PCDHGA2: variants seen among roughly 807,000 people sequenced by gnomAD.
The protein encoded by PCDHGA2 is protocadherin gamma-A2.
Under a neutral mutation model 59.2 loss-of-function variants are expected in PCDHGA2, and 40 were observed. That is an observed-to-expected ratio of 0.68 (90% confidence interval 0.52 to 0.88). The LOEUF (loss-of-function observed/expected upper bound fraction) is 0.88, where lower values mean the gene tolerates loss of function less well. PCDHGA2 is among the 40% of genes least tolerant of loss of function. The pLI is 0.00. For synonymous variants in PCDHGA2, 560 were observed against 526.0 expected (o/e 1.06, Z -0.89); for missense variants, 1,226 against 1,204.0 (o/e 1.02, Z -0.27).
At chr5:141,362,228 T>C in intron 1 of PCDHGA2, 2 of 1,614,028 alleles carry the variant, frequency 1.2e-6, no homozygotes, top group African/African-American at 1.3e-5. Context: ...GCCTTGGCCT[T>C]GATCTCAGTG....
intron 1 of PCDHGA2, among the ~76,000 whole-genome samples, chr5:141,347,717 G>A (rs1001713280): frequency 6.6e-6 from 1 of 151,584 alleles, no homozygotes; most frequent in Non-Finnish European, 1.5e-5. Flanking sequence ...AACCCAGGAG[G>A]CAGAAGTTGC....
rs1200487646 is a variant in PCDHGA2, at chr5:141,410,571, C to T, written c.2424+69176C>T. 3 of 1,612,028 alleles carry T rather than the reference C, an allele frequency of 1.9e-6. No homozygotes were observed. The highest frequency in any genetic ancestry group is 2.5e-6 in the Non-Finnish European group (3 of 1,179,884). On this transcript the variant is annotated intron_variant, in intron 1 of 3. Coordinates refer to ENST00000394576, the MANE Select transcript of PCDHGA2 (RefSeq NM_018915.4). The stretch of plus-strand genomic sequence containing the variant: ...AGTGTTTCTCCTGGAGCCTTAATTC[C>T]ACCTCATGGTGGGGAGGATTTGACT...
In PCDHGA2 at chr5:141,455,253, C is replaced by A. The variant is rs187877877; in HGVS notation, c.2425-39554C>A. 2.8e-3 allele frequency among the ~76,000 whole-genome samples: 433 copies of A among 151,986 alleles called. 1 individual carries two copies. Among genetic ancestry groups the A allele is most frequent in the Admixed American group, 0.021 (319 of 15,266 alleles). ...AAAATGTTAAAGGTCATAGTACAAT[C>A]GCATTTCTTCCCATTGATTATTAAC... is the stretch of plus-strand genomic sequence containing the variant. On this transcript the variant is annotated intron_variant, in intron 1 of 3. Coordinates refer to ENST00000394576, the MANE Select transcript of PCDHGA2 (RefSeq NM_018915.4).
At chr5:141,443,383 G>A (rs1302172660) in intron 1 of PCDHGA2, among the ~76,000 whole-genome samples, 1 of 152,130 alleles carries the variant, frequency 6.6e-6, no homozygotes, top group Non-Finnish European at 1.5e-5. Flanking sequence ...TACTTGGGAG[G>A]CTGAGGTGTG....
At chr5:141,430,781 C>G in intron 1 of PCDHGA2, 8 of 1,510,922 alleles carry the variant, frequency 5.3e-6, no homozygotes, top group Non-Finnish European at 7.1e-6. Context: ...GCGACTGCAC[C>G]GGGACTACAA....
intron 1 of PCDHGA2, chr5:141,413,063 T>G: frequency 1.8e-6 from 2 of 1,142,610 alleles, no homozygotes; most frequent in East Asian, 5.1e-5. Context: ...CACTCCAGAA[T>G]TTAAAGTGCC....
At chr5:141,362,372 G>T (rs1762464111) in intron 1 of PCDHGA2, 1 of 1,614,054 alleles carries the variant, frequency 6.2e-7, no homozygotes, top group Non-Finnish European at 8.5e-7. Flanking sequence ...TACAGTGAGG[G>T]TACATTGCCC....
Position 141,365,799 on chromosome 5 carries a change from C to T in PCDHGA2, c.2424+24404C>T, listed in dbSNP as rs755374983. 8 of 1,613,942 alleles carry T rather than the reference C, an allele frequency of 5.0e-6. No individual in the cohort carries two copies. The Admixed American group carries it at 6.7e-5, about 13-fold the overall frequency. ...GGCGACAACGCTCGAGTCACCTACT[C>T]CCTGGCTGAAGACACATTTCAGGGG... On this transcript the variant is annotated intron_variant, in intron 1 of 3. Transcript: ENST00000394576.
chr5:141,477,874 T>G lies in PCDHGA2; in HGVS notation c.2425-16933T>G. On this transcript the variant is annotated intron_variant, in intron 1 of 3. Coordinates refer to ENST00000394576, the MANE Select transcript of PCDHGA2 (RefSeq NM_018915.4). This position sits in a 1 kb window ranked among gnomAD's most constrained non-coding sequence, Gnocchi z 4.9. ...AGATGCTGCCTCGAGGTACCTCAGC[T>G]GGCCACCTAGTGTCACGGGTGGTAG... 1 of 1,614,176 alleles carries G rather than the reference T, an allele frequency of 6.2e-7. No individual in the cohort carries two copies. The highest frequency in any genetic ancestry group is 8.5e-7 in the Non-Finnish European group (1 of 1,180,028).
At position 141,386,158 on chromosome 5, in the gene PCDHGA2, A is replaced by G. The variant is rs530436705; in HGVS notation, c.2424+44763A>G. ...TGGCTTTGTTTCAACTGTCTCACGTACTCAAACCTTAGACCATCTTATGTA... is the reference window on the plus strand; with the variant it reads ...TGGCTTTGTTTCAACTGTCTCACGTGCTCAAACCTTAGACCATCTTATGTA... On this transcript the variant is annotated intron_variant, in intron 1 of 3. Coordinates refer to ENST00000394576, the MANE Select transcript of PCDHGA2 (RefSeq NM_018915.4). Among the ~76,000 whole-genome samples, 24 of 152,284 alleles carry G rather than the reference A, an allele frequency of 1.6e-4. No individual in the cohort carries two copies. In the East Asian group the frequency reaches 4.6e-3, roughly 29 times the overall value.
chr5:141,404,804 T>A, intron 1 of PCDHGA2: 1 of 1,613,898 alleles, frequency 6.2e-7, no homozygotes, highest in South Asian at 1.1e-5. Context: ...AGGGCTCTTC[T>A]CGGTGGGGCT....
At chr5:141,473,033 G>GGAAA (rs1282468299) in intron 1 of PCDHGA2, among the ~76,000 whole-genome samples, 1 of 146,284 alleles carries the variant, frequency 6.8e-6, no homozygotes, top group African/African-American at 2.5e-5. Flanking sequence ...AAGGAAGGAA[G>GGAAA]GAAAGAAAGA....
At chr5:141,451,193 A>T (rs2098710240) in intron 1 of PCDHGA2, among the ~76,000 whole-genome samples, 1 of 152,208 alleles carries the variant, frequency 6.6e-6, no homozygotes, top group Non-Finnish European at 1.5e-5. Context: ...TGTGTAACAA[A>T]TTATCCCAAA....
At chr5:141,433,926 A>T (rs2154556019) in intron 1 of PCDHGA2, among the ~76,000 whole-genome samples, 1 of 151,830 alleles carries the variant, frequency 6.6e-6, no homozygotes, top group African/African-American at 2.4e-5. Context: ...CCAAATGAAG[A>T]TTTTATAATT....
At position 141,423,563 on chromosome 5, in the gene PCDHGA2, C is replaced by T. The variant is rs745802952; in HGVS notation, c.2425-71244C>T. 9.9e-6 allele frequency: 16 copies of T among 1,613,436 alleles called. No homozygotes were observed. In the Admixed American group the frequency reaches 2.3e-4, roughly 24 times the overall value. ...TTCCCCCAGCCCAACTATGGGGACA[C>T]GCTCATCAGCCAGGAGAGCTGTGAG... On this transcript the variant is annotated intron_variant, in intron 1 of 3. Coordinates refer to ENST00000394576, the MANE Select transcript of PCDHGA2 (RefSeq NM_018915.4).
At chr5:141,415,937 C>T (rs939831077) in intron 1 of PCDHGA2, 8 of 587,822 alleles carry the variant, frequency 1.4e-5, no homozygotes, top group Non-Finnish European at 2.0e-5. Context: ...TATATTTCCT[C>T]CTGGGTGGTC....
intron 1 of PCDHGA2, among the ~76,000 whole-genome samples, chr5:141,363,558 AAT>A (rs1421241978): frequency 8.5e-5 from 13 of 152,396 alleles, no homozygotes; most frequent in Non-Finnish European, 1.9e-4. Flanking sequence ...TGAACATGGT[AAT>A]AGAAAAACAT....
intron 1 of PCDHGA2, chr5:141,388,489 G>A: frequency 6.2e-7 from 1 of 1,613,844 alleles, no homozygotes; most frequent in Non-Finnish European, 8.5e-7. Context: ...CCTTTGGACA[G>A]AGAAAAGCAG....
intron 1 of PCDHGA2, among the ~76,000 whole-genome samples, chr5:141,353,709 T>C (rs1759362592): frequency 6.6e-6 from 1 of 152,266 alleles, no homozygotes; most frequent in Non-Finnish European, 1.5e-5. Context: ...TTCTTGTTTC[T>C]TTAGTGTAGA....
Sources: allele counts gnomAD v4.1 joint callset (sites outside exome capture counted in the v4.1 genomes callset), GRCh38; gene constraint gnomAD v4.1.1; non-coding constraint Gnocchi (gnomAD v3.1); transcripts MANE v1.5; gene names NCBI Gene and HGNC (gene_info 2026-07-23, HGNC 2026-07-21).